Variants in TMEM117 observed in about 807,000 individuals in gnomAD.
TMEM117 encodes the protein transmembrane protein 117.
A neutral mutation model predicts 52.4 loss-of-function variants in TMEM117; 27 were observed. That is an observed-to-expected ratio of 0.51 (90% CI 0.38 to 0.71). TMEM117 has a LOEUF of 0.71. Ranked by LOEUF, TMEM117 falls within the 30% of genes least tolerant of loss-of-function variation. TMEM117 has a pLI of 0.00. For missense variants in TMEM117, 556 were observed against 630.5 expected, an observed-to-expected ratio of 0.88 and a Z score of 1.26; for synonymous variants, 215 against 206.3, an observed-to-expected ratio of 1.04 and a Z score of -0.36.
chr12:43,983,956 A>C (rs1002622191), intron 3 of TMEM117, among the ~76,000 whole-genome samples: 4 of 152,138 alleles, frequency 2.6e-5, no homozygotes, highest in Non-Finnish European at 5.9e-5. Flanking sequence ...CTCACAATGC[A>C]TAATAGAATT....
At chr12:43,898,675 G>T (rs374547319) in intron 2 of TMEM117, among the ~76,000 whole-genome samples, 2 of 152,300 alleles carry the variant, frequency 1.3e-5, no homozygotes, top group East Asian at 3.9e-4. Flanking sequence ...AGAGCAGCAT[G>T]TGATGTCGGT....
At chr12:44,219,507 G>T (rs570672099) in intron 5 of TMEM117, among the ~76,000 whole-genome samples, 4 of 152,232 alleles carry the variant, frequency 2.6e-5, no homozygotes, top group Admixed American at 6.5e-5. Flanking sequence ...AGTTCAATTT[G>T]CCAGTAAAAC....
chr12:43,813,631 A>G, the TMEM117 span, among the ~76,000 whole-genome samples: 3 of 152,118 alleles, frequency 2.0e-5, no homozygotes, highest in Admixed American at 2.0e-4. Flanking sequence ...GCCAGCCTAC[A>G]TGAGTCTCAT....
chr12:44,326,774 CTTCACCACACTA>C (rs372481945), intron 6 of TMEM117, among the ~76,000 whole-genome samples: 77 of 152,324 alleles, frequency 5.1e-4, no homozygotes, highest in African/African-American at 1.8e-3. Context: ...CATTGGGGAA[CTTCACCACACTA>C]TTCACCAAAT....
chr12:44,101,469 T>C (rs1947859610), intron 3 of TMEM117, among the ~76,000 whole-genome samples: 1 of 151,946 alleles, frequency 6.6e-6, no homozygotes, highest in Non-Finnish European at 1.5e-5. Flanking sequence ...TTTATAGTTT[T>C]TGCCTTAGTT....
chr12:44,010,405 A>C (rs73087654), intron 3 of TMEM117, among the ~76,000 whole-genome samples: 2 of 152,090 alleles, frequency 1.3e-5, no homozygotes, highest in South Asian at 2.1e-4. Context: ...AAAGCGCACT[A>C]TGCCTGGCAA....
chr12:43,951,180 C>T (rs867352381), intron 3 of TMEM117, among the ~76,000 whole-genome samples: 1 of 152,200 alleles, frequency 6.6e-6, no homozygotes, highest in African/African-American at 2.4e-5. Context: ...TGTGAGCCTA[C>T]ACCACCAGGG....
intron 3 of TMEM117, among the ~76,000 whole-genome samples, chr12:44,095,181 G>A (rs1947737162): frequency 6.6e-6 from 1 of 152,088 alleles, no homozygotes; most frequent in African/African-American, 2.4e-5. Flanking sequence ...CATGTACAAT[G>A]CATATTACAC....
chr12:44,189,728 C>T (rs1949326618), intron 4 of TMEM117, among the ~76,000 whole-genome samples: 1 of 152,146 alleles, frequency 6.6e-6, no homozygotes. Flanking sequence ...TTCCTCAGTA[C>T]TTAAGGAGAG....
Position 44,237,630 on chromosome 12 carries a change from T to C in TMEM117, c.608+26243T>C, listed in dbSNP as rs1392161547. 2.0e-5 allele frequency among the ~76,000 whole-genome samples: 3 copies of C among 152,122 alleles called. No individual in the cohort carries two copies. In the East Asian group the frequency reaches 5.8e-4, roughly 30 times the overall value. On this transcript the variant is annotated intron_variant, in intron 5 of 7. Coordinates refer to ENST00000266534, the MANE Select transcript of TMEM117 (RefSeq NM_032256.3). ...TACTTGGGAGGCTGAGTCAGGAGAA[T>C]TGGTTGAACCCAGAAGGTGGAGGTT...
intron 3 of TMEM117, among the ~76,000 whole-genome samples, chr12:43,990,502 A>G (rs1945920778): frequency 6.6e-6 from 1 of 152,186 alleles, no homozygotes; most frequent in African/African-American, 2.4e-5. Context: ...TAATGTTTTC[A>G]TACCTCACAC....
intron 6 of TMEM117, among the ~76,000 whole-genome samples, chr12:44,348,640 A>T (rs1172441829): frequency 1.3e-5 from 2 of 152,022 alleles, no homozygotes; most frequent in Non-Finnish European, 2.9e-5. Flanking sequence ...TAGAAAGTTA[A>T]TGCTAGACCT....
At chr12:44,380,831 C>A (rs1488810403) in intron 7 of TMEM117, among the ~76,000 whole-genome samples, 1 of 152,082 alleles carries the variant, frequency 6.6e-6, no homozygotes, top group East Asian at 1.9e-4. Context: ...GCCCTCTTGC[C>A]ACTTACCCAC....
intron 6 of TMEM117, among the ~76,000 whole-genome samples, chr12:44,351,361 A>G (rs951307962): frequency 1.3e-5 from 2 of 151,790 alleles, no homozygotes; most frequent in Non-Finnish European, 2.9e-5. Context: ...TTTTAAATTG[A>G]TGTGATCCCG....
intron 3 of TMEM117, among the ~76,000 whole-genome samples, chr12:44,029,274 G>C (rs567856247): frequency 6.6e-6 from 1 of 152,276 alleles, no homozygotes; most frequent in Admixed American, 6.5e-5. Flanking sequence ...TCTCGTTTAA[G>C]TCCTTCTCGG....
intron 2 of TMEM117, among the ~76,000 whole-genome samples, chr12:43,912,165 C>A (rs1944515420): frequency 6.7e-6 from 1 of 149,760 alleles, no homozygotes; most frequent in East Asian, 2.0e-4. Context: ...TACTATGCAG[C>A]CATAAAAAAG....
chr12:44,154,815 A>T (rs949830627), intron 4 of TMEM117, among the ~76,000 whole-genome samples: 6 of 151,594 alleles, frequency 4.0e-5, no homozygotes, highest in Non-Finnish European at 2.9e-5. Flanking sequence ...TAAAAAAAAT[A>T]AGCAGAATAT....
At position 44,165,781 on chromosome 12, in the gene TMEM117, A is replaced by T. The variant is rs150563275; in HGVS notation, c.510+22157A>T. On this transcript the variant is annotated intron_variant, in intron 4 of 7. Transcript: ENST00000266534. ...GGCTTCAATACAATAACAGTTGGGGACTTTAACACCCCACTCTCAGCATTG... is the reference window on the plus strand; with the variant it reads ...GGCTTCAATACAATAACAGTTGGGGTCTTTAACACCCCACTCTCAGCATTG... 2.1e-3 allele frequency among the ~76,000 whole-genome samples: 322 copies of T among 152,280 alleles called. 2 individuals are homozygous for T. The highest frequency in any genetic ancestry group is 0.014 in the Middle Eastern group (4 of 294).
At chr12:44,024,231 A>G (rs1414366470) in intron 3 of TMEM117, among the ~76,000 whole-genome samples, 1 of 152,226 alleles carries the variant, frequency 6.6e-6, no homozygotes, top group Non-Finnish European at 1.5e-5. Context: ...TGTAGCTAAA[A>G]TGAAGACAAG....
Sources: gnomAD v4.1 joint callset for allele counts (sites outside exome capture counted in the v4.1 genomes callset) on GRCh38, gnomAD v4.1.1 for gene constraint, MANE v1.5 for transcripts, NCBI Gene and HGNC (gene_info 2026-07-23, HGNC 2026-07-21) for gene names.